The following FBXW11 variants were observed in gnomAD, a reference collection of about 807,000 sequenced individuals.
The protein encoded by FBXW11 is F-box and WD repeat domain containing 11.
Under a neutral mutation model 77.6 loss-of-function variants are expected in FBXW11, and 19 were observed. That is an observed-to-expected ratio of 0.24 (90% CI 0.17 to 0.36). The LOEUF (loss-of-function observed/expected upper bound fraction) is 0.36, where lower values mean the gene tolerates loss of function less well. FBXW11 is among the 10% of genes least tolerant of loss of function. The probability of loss-of-function intolerance (pLI) is 1.00; values close to 1 mark genes in which losing one functional copy is unlikely to be tolerated. For missense variants in FBXW11, 334 were observed against 704.2 expected (o/e 0.47, Z 5.95); for synonymous variants, 235 against 249.4 (o/e 0.94, Z 0.54).
rs1348207377 is a variant in FBXW11 at position 171,864,111 on chromosome 5, G to GA, written c.*26-11dup. 6.6e-6 allele frequency: 1 copy of GA among 152,198 alleles called. No individual in the cohort carries two copies. The highest frequency in any genetic ancestry group is 6.5e-5 in the Admixed American group (1 of 15,270). 9.4% of individuals were successfully genotyped at this position (152,198 alleles called of 1,614,324 possible). A position where few individuals can be genotyped will look rare whatever the true frequency, so the allele number is the denominator to read the frequency against. Reference sequence around the variant, plus strand: ...TCAAGACTAGAAAACCCTGAGGAAAGAAAAACAGAAGCAAAGGGAGTGTGG... The same window carrying GA: ...TCAAGACTAGAAAACCCTGAGGAAAGAAAAAACAGAAGCAAAGGGAGTGTGG... On this transcript the variant is annotated splice_polypyrimidine_tract_variant and intron_variant, in intron 13 of 13. Coordinates refer to ENST00000517395, the MANE Select transcript of FBXW11 (RefSeq NM_001378974.1).
rs755035189 is a variant in FBXW11 at position 171,872,940 on chromosome 5, C to T, written c.1272G>A (p.Lys424=). 1.2e-5 allele frequency: 20 copies of T among 1,613,994 alleles called. No homozygotes were observed. In the Admixed American group the frequency reaches 3.2e-4, roughly 26 times the overall value. Residue 424 remains lysine (K), a synonymous_variant, in exon 10 of 14, where the codon AAG becomes AAA. Coordinates refer to ENST00000517395, the MANE Select transcript of FBXW11 (RefSeq NM_001378974.1). ...TGTACTGGAGACAGGCAATGCCCCGCTTGTGCCCATTGAGAGTACGAACAA... is the reference window on the plus strand; with the variant it reads ...TGTACTGGAGACAGGCAATGCCCCGTTTGTGCCCATTGAGAGTACGAACAA... ...CEFVRTLNGH[K]RGIACLQYRD...
chr5:171,865,409 G>GT (rs1189090765), intron 13 of FBXW11, among the ~76,000 whole-genome samples: 2 of 152,056 alleles, frequency 1.3e-5, no homozygotes, highest in Non-Finnish European at 2.9e-5. Context: ...TCATAGCATT[G>GT]TTTTTTATAA....
At chr5:171,934,960 T>C (rs1762397459) in intron 2 of FBXW11, among the ~76,000 whole-genome samples, 3 of 152,276 alleles carry the variant, frequency 2.0e-5, no homozygotes, top group East Asian at 1.9e-4. Context: ...TTTTTGTTTG[T>C]TTTTTGTTTT....
At chr5:171,897,939 T>C (rs1307631182) in intron 6 of FBXW11, among the ~76,000 whole-genome samples, 3 of 152,198 alleles carry the variant, frequency 2.0e-5, no homozygotes, top group Admixed American at 1.3e-4. Context: ...TATTCTAAGT[T>C]TGGAACTGCC....
At chr5:171,949,381 C>A (rs1478958481) in intron 2 of FBXW11, among the ~76,000 whole-genome samples, 1 of 151,906 alleles carries the variant, frequency 6.6e-6, no homozygotes, top group African/African-American at 2.4e-5. Flanking sequence ...AATGTGCATC[C>A]CTAATTCACA....
intron 2 of FBXW11, among the ~76,000 whole-genome samples, chr5:171,916,659 G>A (rs1046519396): frequency 5.3e-5 from 8 of 152,168 alleles, no homozygotes; most frequent in African/African-American, 1.2e-4. Flanking sequence ...TAAAGAAAGG[G>A]GGAGCAGTGA....
At chr5:171,979,017 C>T (rs533468125) in intron 1 of FBXW11, among the ~76,000 whole-genome samples, 1 of 152,188 alleles carries the variant, frequency 6.6e-6, no homozygotes, top group Admixed American at 6.5e-5. Context: ...CATGTCACAT[C>T]ATGTTCATAA....
At chr5:171,957,045 A>G (rs924720592) in intron 2 of FBXW11, among the ~76,000 whole-genome samples, 2 of 152,232 alleles carry the variant, frequency 1.3e-5, no homozygotes, top group Non-Finnish European at 2.9e-5. Flanking sequence ...CCCTGAGGAC[A>G]GGTGTCAGAT....
At chr5:171,951,232 C>G (rs190573997) in intron 2 of FBXW11, among the ~76,000 whole-genome samples, 4 of 151,880 alleles carry the variant, frequency 2.6e-5, no homozygotes, top group Admixed American at 1.3e-4. Context: ...AGTCTAAAGG[C>G]CCCTCAAAAG....
Position 171,878,127 on chromosome 5 carries a change from T to A in FBXW11, c.855A>T (p.Ile285=). Residue 285 remains isoleucine (I), a splice_region_variant and synonymous_variant, in exon 8 of 14, where the codon ATA becomes ATT. Coordinates refer to ENST00000517395, the MANE Select transcript of FBXW11 (RefSeq NM_001378974.1). Reference sequence around the variant, plus strand: ...AACATTCCAGGCTGGTTTTATCCCATATCTATTGAGACAAGATTAGCCACA... The same window carrying A: ...AACATTCCAGGCTGGTTTTATCCCAAATCTATTGAGACAAGATTAGCCACA... ...ISGLRDNSIK[I]WDKTSLECLK... is the part of the protein sequence containing the mutation. 1.2e-6 allele frequency: 2 copies of A among 1,608,774 alleles called. No individual in the cohort carries two copies. Among genetic ancestry groups the A allele is most frequent in the Non-Finnish European group, 1.7e-6 (2 of 1,175,914 alleles).
intron 1 of FBXW11, among the ~76,000 whole-genome samples, chr5:171,986,756 G>A (rs1299762181): frequency 5.3e-5 from 8 of 151,622 alleles, no homozygotes; most frequent in African/African-American, 1.9e-4. Flanking sequence ...AATCCGTGTG[G>A]ACCACATAAA....
At chr5:171,975,397 C>T (rs148944418) in intron 1 of FBXW11, among the ~76,000 whole-genome samples, 117 of 152,300 alleles carry the variant, frequency 7.7e-4, no homozygotes, top group African/African-American at 2.2e-3. Flanking sequence ...TGGCCAGCCA[C>T]AGCCTGGAGA....
intron 2 of FBXW11, among the ~76,000 whole-genome samples, chr5:171,929,324 C>T (rs763318878): frequency 1.1e-4 from 17 of 151,990 alleles, no homozygotes; most frequent in South Asian, 6.2e-4. Flanking sequence ...GAGCCAAGAT[C>T]GCACCACTGC....
intron 7 of FBXW11, among the ~76,000 whole-genome samples, chr5:171,889,285 T>C (rs1278654858): frequency 6.6e-6 from 1 of 152,166 alleles, no homozygotes. Context: ...CTCAGCACTT[T>C]GGGAGGCCAA....
intron 4 of FBXW11, among the ~76,000 whole-genome samples, chr5:171,906,907 A>C (rs1018387274): frequency 3.9e-5 from 6 of 152,230 alleles, no homozygotes; most frequent in Non-Finnish European, 8.8e-5. Flanking sequence ...ATAATGGCTT[A>C]TCATCCTTTC....
At chr5:171,960,062 T>C (rs1219277758) in intron 1 of FBXW11, among the ~76,000 whole-genome samples, 1 of 59,716 alleles carries the variant, frequency 1.7e-5, no homozygotes, top group African/African-American at 3.0e-5. Flanking sequence ...CACAAGTGGA[T>C]GGGCAAAGAA....
chr5:171,926,470 T>C (rs1240728036), intron 2 of FBXW11, among the ~76,000 whole-genome samples: 2 of 152,204 alleles, frequency 1.3e-5, no homozygotes, highest in African/African-American at 4.8e-5. Flanking sequence ...GACTGAATCA[T>C]GGGAGCGGTT....
intron 8 of FBXW11, 96 bp downstream of exon 8, chr5:171,877,915 G>A (rs1442881429): frequency 1.0e-5 from 9 of 871,630 alleles, no homozygotes; most frequent in South Asian, 7.9e-5. Flanking sequence ...ATGTAAAAAT[G>A]TAAGTTTGTG....
chr5:171,952,693 G>A (rs890232779), intron 2 of FBXW11, among the ~76,000 whole-genome samples: 10 of 150,072 alleles, frequency 6.7e-5, no homozygotes, highest in South Asian at 6.4e-4. Context: ...CAAGTGATCC[G>A]CCCACCTCGG....
Sources: gnomAD v4.1 joint callset for allele counts (sites outside exome capture counted in the v4.1 genomes callset) on GRCh38, gnomAD v4.1.1 for gene constraint, MANE v1.5 for transcripts, NCBI Gene and HGNC (gene_info 2026-07-23, HGNC 2026-07-21) for gene names.